The following FAM170A variants were observed in gnomAD, a reference collection of about 807,000 sequenced individuals.
The protein encoded by FAM170A is protein FAM170A.
In FAM170A, 28 loss-of-function variants were observed where a neutral mutation model predicts 36.6. The observed-to-expected ratio is 0.76, with a 90% CI of 0.57 to 1.05. The LOEUF (loss-of-function observed/expected upper bound fraction) is 1.05, where lower values mean the gene tolerates loss of function less well. FAM170A is among the 50% of genes least tolerant of loss of function. The pLI, the probability that FAM170A is intolerant of heterozygous loss-of-function variation, is 0.00. For synonymous variants in FAM170A, 156 were observed against 143.9 expected (o/e 1.08, Z -0.60); for missense variants, 434 against 396.5 (o/e 1.09, Z -0.80).
intron 3 of FAM170A, 143 bp from the exon 4 acceptor site, chr5:119,634,885 C>T: frequency 7.9e-7 from 1 of 1,265,050 alleles, no homozygotes; most frequent in Non-Finnish European, 1.1e-6. Flanking sequence ...ACTGGGATCC[C>T]TGCTTCTTGC....
At chr5:119,634,256 G>T (rs200036951) in exon 3 of FAM170A, 177 of 1,614,086 alleles carry the variant, frequency 1.1e-4, no homozygotes, top group Non-Finnish European at 1.4e-4. Context: ...TGTGAGGGTA[G>T]GTACTCCCCC....
chr5:119,635,360 C>G (rs969686816), intron 4 of FAM170A, among the ~76,000 whole-genome samples: 1 of 152,192 alleles, frequency 6.6e-6, no homozygotes. Flanking sequence ...TCAGTGTAAC[C>G]TCAAGGGCCA....
At chr5:119,629,615 C>T (rs1756196104) in exon 1 of FAM170A, 2 of 576,612 alleles carry the variant, frequency 3.5e-6, no homozygotes, top group Admixed American at 2.6e-5. Flanking sequence ...CTTCACTAAG[C>T]GGTCTGAGTT....
At chr5:119,634,095 C>T in exon 3 of FAM170A, 1 of 1,614,142 alleles carries the variant, frequency 6.2e-7, no homozygotes, top group African/African-American at 1.3e-5. Flanking sequence ...TGTGTGTCCT[C>T]TCTGTGTGTA....
rs770553476 is a variant in FAM170A, at chr5:119,634,650, G to T, written c.902G>T (p.Gly301Val). The T allele has an allele frequency of 1.9e-6, 3 of 1,603,248 alleles. No individual in the cohort carries two copies. In the African/African-American group the frequency reaches 4.0e-5, roughly 21 times the overall value. The stretch of plus-strand genomic sequence containing the variant: ...AAACCAGAAGCAAAGGAGGAGGAGG[G>T]GCAGCCCACAGAAGAAGACCTTGGC... Residue 301 changes from glycine to valine, a missense_variant, in exon 3 of 5, where the codon GGG (glycine) becomes GTG (valine). Gly to Val is a moderately radical substitution (Grantham distance 109). Transcript: ENST00000613773.
At chr5:119,634,863 G>A (rs1052225006) in intron 3 of FAM170A, 129 bp downstream of exon 3, 9 of 1,229,168 alleles carry the variant, frequency 7.3e-6, no homozygotes, top group Non-Finnish European at 1.0e-5. Flanking sequence ...GGGAACAATG[G>A]AGGGGGACAT....
exon 2 of FAM170A, chr5:119,632,795 G>C: frequency 6.2e-7 from 1 of 1,612,744 alleles, no homozygotes; most frequent in Non-Finnish European, 8.5e-7. Flanking sequence ...ATCCACTAGA[G>C]TGGCCAAAGG....
exon 3 of FAM170A, chr5:119,633,980 G>C: frequency 6.2e-7 from 1 of 1,612,188 alleles, no homozygotes; most frequent in South Asian, 1.1e-5. Flanking sequence ...AATACATCGA[G>C]ACAGCCCCCA....
chr5:119,635,157 G>A, intron 4 of FAM170A, 71 bp downstream of exon 4: 1 of 1,119,330 alleles, frequency 8.9e-7, no homozygotes, highest in Admixed American at 1.7e-5. Context: ...GGAAGGAGCT[G>A]CAGGGATGCA....
chr5:119,634,354 C>G lies in FAM170A; in HGVS notation c.606C>G (p.Ser202Arg), dbSNP rs531976135. The G allele has an allele frequency of 4.1e-5, 66 of 1,614,184 alleles. No individual in the cohort carries two copies. The South Asian group carries it at 6.9e-4, about 17-fold the overall frequency. The stretch of plus-strand genomic sequence containing the variant: ...ATGAGGAAAGGACAGAATCAGACAG[C>G]CTGCCAGGCTCACCCACCGTTGAGG... Residue 202 changes from serine (S) to arginine (R), a missense_variant, in exon 3 of 5, where the codon AGC (serine) becomes AGG (arginine). Coordinates refer to ENST00000613773, the Ensembl canonical transcript of FAM170A.
At chr5:119,634,947 C>A in intron 3 of FAM170A, 81 bp from the exon 4 acceptor site, 1 of 1,571,584 alleles carries the variant, frequency 6.4e-7, no homozygotes, top group Non-Finnish European at 8.7e-7. Flanking sequence ...CTTGACCTTT[C>A]CAGCTCCTGC....
chr5:119,630,957 G>T (rs759920703), intron 1 of FAM170A, among the ~76,000 whole-genome samples: 1 of 152,210 alleles, frequency 6.6e-6, no homozygotes, highest in Non-Finnish European at 1.5e-5. Flanking sequence ...TGGCGTCATA[G>T]TGAAACCACG....
At chr5:119,634,976 C>T in intron 3 of FAM170A, 52 bp from the exon 4 acceptor site, 2 of 1,610,748 alleles carry the variant, frequency 1.2e-6, no homozygotes, top group Non-Finnish European at 1.7e-6. Context: ...CTGAGAATTT[C>T]AAAAGTCGCA....
chr5:119,632,637 G>A, intron 1 of FAM170A, 111 bp from the exon 2 acceptor site: 1 of 1,007,386 alleles, frequency 9.9e-7, no homozygotes, highest in Non-Finnish European at 1.4e-6. Context: ...AACCATGTGT[G>A]TTCACTACAC....
intron 1 of FAM170A, among the ~76,000 whole-genome samples, chr5:119,632,253 C>T (rs938133578): frequency 1.1e-4 from 16 of 152,164 alleles, no homozygotes; most frequent in African/African-American, 3.6e-4. Context: ...CTGTTTTGTT[C>T]AGTATTCCTA....
At chr5:119,631,047 A>G (rs1024503615) in intron 1 of FAM170A, among the ~76,000 whole-genome samples, 1 of 152,238 alleles carries the variant, frequency 6.6e-6, no homozygotes, top group African/African-American at 2.4e-5. Context: ...GACTTCCCAG[A>G]GGAAATGAAG....
In FAM170A at chr5:119,633,939, GT is replaced by G. The variant is rs771437797; in HGVS notation, c.212-18del. ...TAGCATGGCCCATGCATCTGCTCAT[GT>G]TTCTAATTTCCTTTCCCAGGAATCC... On this transcript the variant is annotated intron_variant, in intron 2 of 4. Coordinates refer to ENST00000613773, the Ensembl canonical transcript of FAM170A. 7.5e-6 allele frequency: 12 copies of G among 1,597,654 alleles called. No individual in the cohort carries two copies. The African/African-American group carries it at 1.6e-4, about 21-fold the overall frequency.
In FAM170A at chr5:119,634,538, A is replaced by C. The variant is rs766065218; in HGVS notation, c.790A>C (p.Met264Leu). The C allele has an allele frequency of 6.0e-5, 97 of 1,613,382 alleles. 1 individual carries two copies. The highest frequency in any genetic ancestry group is 3.3e-4 in the Middle Eastern group (2 of 6,080). Residue 264 changes from methionine to leucine, a missense_variant, in exon 3 of 5, where the codon ATG becomes CTG. By Grantham distance (15) the Met-to-Leu change is conservative (BLOSUM62 2). Transcript: ENST00000613773. The stretch of plus-strand genomic sequence containing the variant: ...CAGCTGCCACGTCTTTCATCTCACC[A>C]TGGCTCAGCTGACAGGCAACATGGA...
exon 4 of FAM170A, chr5:119,635,049 A>G: frequency 6.2e-7 from 1 of 1,613,990 alleles, no homozygotes; most frequent in Non-Finnish European, 8.5e-7. Context: ...TATGGGCCAG[A>G]AGATACTGGA....
Sources: allele counts gnomAD v4.1 joint callset (sites outside exome capture counted in the v4.1 genomes callset), GRCh38; gene constraint gnomAD v4.1.1; transcripts MANE v1.5; gene names NCBI Gene and HGNC (gene_info 2026-07-23, HGNC 2026-07-21).